Variants in MAGI3 observed in about 807,000 individuals in gnomAD.
The protein encoded by MAGI3 is membrane-associated guanylate kinase, WW and PDZ domain-containing protein 3.
In MAGI3, 43 loss-of-function variants were observed where a neutral mutation model predicts 121.8. The ratio of observed to expected loss-of-function variants is 0.35; its 90% CI spans 0.28 to 0.46. The LOEUF (loss-of-function observed/expected upper bound fraction) is 0.46, where lower values mean the gene tolerates loss of function less well. Among genes scored for constraint, MAGI3 ranks in the 20% least tolerant of loss-of-function variants. MAGI3 has a pLI of 1.00. For synonymous variants in MAGI3, 553 were observed against 639.3 expected, an observed-to-expected ratio of 0.86 and a Z score of 2.04; for missense variants, 1,547 against 1,797.3, an observed-to-expected ratio of 0.86 and a Z score of 2.52.
At chr1:113,639,777 A>T (rs1324112139) in intron 9 of MAGI3, among the ~76,000 whole-genome samples, 2 of 152,170 alleles carry the variant, frequency 1.3e-5, no homozygotes, top group East Asian at 1.9e-4. Context: ...CATGTTGGCC[A>T]GGCTGGTCTT....
chr1:113,583,209 A>G (rs1425874301), intron 3 of MAGI3, among the ~76,000 whole-genome samples: 3 of 151,818 alleles, frequency 2.0e-5, no homozygotes, highest in African/African-American at 7.3e-5. Context: ...GGTTTGTTAC[A>G]TATGTATACA....
At chr1:113,393,394 A>G (rs571629906) in intron 1 of MAGI3, among the ~76,000 whole-genome samples, 21 of 152,268 alleles carry the variant, frequency 1.4e-4, no homozygotes, top group Non-Finnish European at 2.8e-4. Flanking sequence ...TTTTGAAGAG[A>G]CACTTTGTGT....
chr1:113,579,366 G>A (rs1232859480), intron 2 of MAGI3, among the ~76,000 whole-genome samples: 1 of 152,184 alleles, frequency 6.6e-6, no homozygotes, highest in African/African-American at 2.4e-5. Flanking sequence ...AAGTATGTGA[G>A]TGAAAGGAAC....
chr1:113,581,302 C>T (rs1379642157), intron 3 of MAGI3, among the ~76,000 whole-genome samples: 1 of 151,980 alleles, frequency 6.6e-6, no homozygotes, highest in Non-Finnish European at 1.5e-5. Flanking sequence ...TGTTTATAAG[C>T]TCTGTGATAG....
At chr1:113,449,266 G>A (rs1258391386) in intron 1 of MAGI3, among the ~76,000 whole-genome samples, 3 of 152,048 alleles carry the variant, frequency 2.0e-5, no homozygotes, top group Non-Finnish European at 4.4e-5. Flanking sequence ...ACGTCACAGT[G>A]GAATAGCAGA....
intron 1 of MAGI3, among the ~76,000 whole-genome samples, chr1:113,400,128 ATAAAATCTGATCCCCTTT>A (rs2101289091): frequency 6.6e-6 from 1 of 152,208 alleles, no homozygotes; most frequent in African/African-American, 2.4e-5. Context: ...ATATTGCAGG[ATAAAATCTGATCCCCTTT>A]TTAAAGTTTT....
At chr1:113,450,262 G>C in intron 1 of MAGI3, 1 of 1,601,962 alleles carries the variant, frequency 6.2e-7, no homozygotes, top group Non-Finnish European at 8.5e-7. Context: ...GCAGTCTGCT[G>C]GATCACAGAG....
chr1:113,620,478 A>G (rs1650752123), intron 8 of MAGI3, among the ~76,000 whole-genome samples: 2 of 152,198 alleles, frequency 1.3e-5, no homozygotes, highest in Non-Finnish European at 2.9e-5. Flanking sequence ...ATATTGTAGT[A>G]ATCCAGTAGA....
intron 1 of MAGI3, among the ~76,000 whole-genome samples, chr1:113,452,052 A>G (rs190089393): frequency 9.2e-5 from 14 of 152,308 alleles, no homozygotes; most frequent in Admixed American, 9.2e-4. Context: ...CTGGAGTGAT[A>G]TTCTTTGCTT....
chr1:113,414,632 T>G (rs1652202044), intron 1 of MAGI3, among the ~76,000 whole-genome samples: 1 of 152,144 alleles, frequency 6.6e-6, no homozygotes, highest in Non-Finnish European at 1.5e-5. Context: ...ATTTATCTAT[T>G]TTTTCTAGAT....
intron 3 of MAGI3, among the ~76,000 whole-genome samples, chr1:113,584,025 G>A (rs971643372): frequency 6.6e-6 from 1 of 152,164 alleles, no homozygotes; most frequent in Middle Eastern, 3.4e-3. Flanking sequence ...GTCTAGATTT[G>A]TCTCAGCATT....
chr1:113,662,209 TC>T (rs921723759), intron 16 of MAGI3, among the ~76,000 whole-genome samples: 2 of 152,116 alleles, frequency 1.3e-5, no homozygotes, highest in African/African-American at 4.8e-5. Context: ...CATCCTTTTT[TC>T]CCCCTTTGCT....
In MAGI3 at chr1:113,390,816, G is replaced by A; in HGVS notation, c.-218G>A. On this transcript the variant is annotated 5_prime_UTR_variant, in exon 1 of 21. Coordinates refer to ENST00000307546, the MANE Select transcript of MAGI3 (RefSeq NM_001142782.2). ...CGGTGGCCCTCGCGGAGTCCGGTCA[G>A]CCCCGGGGAGCGCAGCCGGGAGGGG... The A allele has an allele frequency of 4.0e-6, 1 of 248,874 alleles. No homozygotes were observed. Among genetic ancestry groups the A allele is most frequent in the Non-Finnish European group, 7.7e-6 (1 of 130,716 alleles). The allele number at this position is 248,874 out of a possible 1,614,324, so 15.4% of individuals were successfully genotyped here. A position where few individuals can be genotyped will look rare whatever the true frequency, so the allele number is the denominator to read the frequency against.
At chr1:113,397,329 C>T (rs182238636) in intron 1 of MAGI3, among the ~76,000 whole-genome samples, 14 of 152,168 alleles carry the variant, frequency 9.2e-5, no homozygotes, top group Admixed American at 4.6e-4. Context: ...GTAGGATCCA[C>T]GCCATCTGCC....
At chr1:113,638,406 T>G (rs1557866484) in intron 9 of MAGI3, among the ~76,000 whole-genome samples, 1 of 152,268 alleles carries the variant, frequency 6.6e-6, no homozygotes, top group African/African-American at 2.4e-5. Context: ...AGATGGGTTT[T>G]TGGTGTGGAT....
intron 16 of MAGI3, among the ~76,000 whole-genome samples, chr1:113,665,565 T>G (rs1360534691): frequency 6.6e-6 from 1 of 152,146 alleles, no homozygotes; most frequent in East Asian, 1.9e-4. Context: ...GGATATATTG[T>G]GTATACGCGT....
intron 14 of MAGI3, among the ~76,000 whole-genome samples, chr1:113,652,231 T>TA (rs1226520491): frequency 1.3e-5 from 2 of 152,136 alleles, no homozygotes; most frequent in African/African-American, 4.8e-5. Context: ...ACTTTAAAAT[T>TA]AAAAAAATAC....
chr1:113,538,542 G>T (rs544101105), intron 1 of MAGI3, among the ~76,000 whole-genome samples: 24 of 151,996 alleles, frequency 1.6e-4, no homozygotes, highest in East Asian at 7.7e-4. Flanking sequence ...AAAATGCTGG[G>T]TTTTTTTTAA....
intron 1 of MAGI3, among the ~76,000 whole-genome samples, chr1:113,470,808 CTTATT>C (rs1655504829): frequency 1.3e-5 from 2 of 152,104 alleles, no homozygotes; most frequent in Non-Finnish European, 1.5e-5. Context: ...CTATGCTAGG[CTTATT>C]TCACTGAGTA....
Sources: allele counts gnomAD v4.1 joint callset (sites outside exome capture counted in the v4.1 genomes callset), GRCh38; gene constraint gnomAD v4.1.1; transcripts MANE v1.5; gene names NCBI Gene and HGNC (gene_info 2026-07-23, HGNC 2026-07-21).